PRDM8: variants seen among roughly 807,000 people sequenced by gnomAD.
PRDM8 encodes PR/SET domain 8, also known as PR domain zinc finger protein 8.
PRDM8 carries 13 observed loss-of-function variants against 46.5 expected under a neutral mutation model. That is an observed-to-expected ratio of 0.28 (90% CI 0.18 to 0.44). The LOEUF is 0.44. Ranked by LOEUF, PRDM8 falls within the 20% of genes least tolerant of loss-of-function variation. The pLI, the probability that PRDM8 is intolerant of heterozygous loss-of-function variation, is 1.00. For missense variants in PRDM8, 998 were observed against 955.0 expected, an observed-to-expected ratio of 1.04 and a Z score of -0.59; for synonymous variants, 473 against 438.4, an observed-to-expected ratio of 1.08 and a Z score of -0.98.
chr4:80,203,774 A>C lies in PRDM8; in HGVS notation c.*242A>C. ...CACACACACACAGACACACTCACACACAAGAGCCAGGATGGTGGAGTTTTG... is the reference window on the plus strand; with the variant it reads ...CACACACACACAGACACACTCACACCCAAGAGCCAGGATGGTGGAGTTTTG... On this transcript the variant is annotated 3_prime_UTR_variant, in exon 4 of 4. Transcript: ENST00000415738. 3 of 386,838 alleles carry C rather than the reference A, an allele frequency of 7.8e-6. No homozygotes were observed. The highest frequency in any genetic ancestry group is 9.1e-6 in the Non-Finnish European group (2 of 220,594). The allele number at this position is 386,838 out of a possible 1,614,324, so 24.0% of individuals were successfully genotyped here.
intron 1 of PRDM8, among the ~76,000 whole-genome samples, 164 bp downstream of exon 1, chr4:80,197,927 T>C (rs1372925701): frequency 6.6e-6 from 1 of 151,974 alleles, no homozygotes; most frequent in Non-Finnish European, 1.5e-5. Context: ...GAGGAGCGGG[T>C]GGTGAGCACT....
chr4:80,196,473 G>T, upstream of PRDM8: 4 of 985,462 alleles, frequency 4.1e-6, no homozygotes, highest in South Asian at 1.9e-4. Context: ...ATCAGCTGCT[G>T]CACTAAAGGG....
upstream of PRDM8, among the ~76,000 whole-genome samples, chr4:80,193,773 A>G (rs1737727769): frequency 6.6e-6 from 1 of 152,060 alleles, no homozygotes; most frequent in Non-Finnish European, 1.5e-5. Context: ...GCATCCTCTT[A>G]TCTTCCAGTG....
At chr4:80,196,745 C>CAAA, upstream of PRDM8, 6 of 778,650 alleles carry the variant, frequency 7.7e-6, no homozygotes, top group Non-Finnish European at 7.8e-6. Context: ...CAAAAACAAA[C>CAAA]AAAAAAAAAA....
In PRDM8 at chr4:80,202,917, C is replaced by T. The variant is rs1156533105; in HGVS notation, c.1455C>T (p.Gly485=). 7 of 1,352,746 alleles carry T rather than the reference C, an allele frequency of 5.2e-6. No homozygotes were observed. Among genetic ancestry groups the T allele is most frequent in the Non-Finnish European group, 6.6e-6 (7 of 1,063,290 alleles). 83.8% of individuals were successfully genotyped at this position (1,352,746 alleles called of 1,614,324 possible). The change falls in exon 4 of 4, where the codon GGC becomes GGT. Residue 485 remains glycine, a synonymous_variant. Coordinates refer to ENST00000415738, the MANE Select transcript of PRDM8 (RefSeq NM_001099403.2). ...GGGTGAGAAG[G]AGGGQGAASD... is the part of the protein sequence containing the mutation. ...GAACGGGCGCCGGGGCCGCAGGCGG[C>T]GCGGGCGGGGGCCAGGGCGCCGCGT...
chr4:80,199,705 A>G (rs1560473370), intron 1 of PRDM8, among the ~76,000 whole-genome samples: 2 of 70,056 alleles, frequency 2.9e-5, no homozygotes, highest in Admixed American at 1.4e-4. Flanking sequence ...GTATATATAT[A>G]TATATGTGTG....
chr4:80,200,234 T>C lies in PRDM8; in HGVS notation c.154T>C (p.Tyr52His), dbSNP rs900729530. ...CTGTGTCCTGAGCCATACTTCCCTA[T>C]ATGACAGCATAGCTTTCATAGCTCT... The part of the protein sequence containing the change: ...GPCVLSHTSL[Y>H]DSIAFIALKS... Residue 52 changes from tyrosine (Y) to histidine (H), a missense_variant, in exon 2 of 4, where the codon TAT becomes CAT. By Grantham distance (83) the Tyr-to-His change is moderately conservative. Transcript: ENST00000415738. The C allele has an allele frequency of 1.3e-5, 21 of 1,614,024 alleles. No homozygotes were observed. The highest frequency in any genetic ancestry group is 1.8e-5 in the Non-Finnish European group (21 of 1,180,006).
In PRDM8 at chr4:80,202,986, C is replaced by G. The variant is rs1738664448; in HGVS notation, c.1524C>G (p.Phe508Leu). The G allele has an allele frequency of 1.3e-6, 2 of 1,507,678 alleles. No homozygotes were observed. Among genetic ancestry groups the G allele is most frequent in the Non-Finnish European group, 1.8e-6 (2 of 1,136,774 alleles). 93.4% of individuals were successfully genotyped at this position (1,507,678 alleles called of 1,614,324 possible). The part of the protein sequence containing the change: ...KSAFSQPARS[F>L]SQLSPLVLGQ... ...CCTTCTCGCAGCCAGCACGCTCTTT[C>G]TCGCAGCTGTCCCCGCTGGTGCTGG... The change falls in exon 4 of 4, where the codon TTC becomes TTG. Residue 508 changes from phenylalanine (F) to leucine (L), a missense_variant. By Grantham distance (22) the Phe-to-Leu change is conservative. Transcript: ENST00000415738.
Position 80,202,911 on chromosome 4 carries a change from A to C in PRDM8, c.1449A>C (p.Ala483=). 1 of 1,341,896 alleles carries C rather than the reference A, an allele frequency of 7.5e-7. No homozygotes were observed. The highest frequency in any genetic ancestry group is 9.5e-7 in the Non-Finnish European group (1 of 1,057,750). 83.1% of individuals were successfully genotyped at this position (1,341,896 alleles called of 1,614,324 possible). Residue 483 remains alanine, a synonymous_variant, in exon 4 of 4, where the codon GCA becomes GCC. Transcript: ENST00000415738. ...SGGGGTGAGA[A]GGAGGGQGAA... is the part of the protein sequence containing the mutation. ...GGGGCGGAACGGGCGCCGGGGCCGCAGGCGGCGCGGGCGGGGGCCAGGGCG... is the reference window on the plus strand; with the variant it reads ...GGGGCGGAACGGGCGCCGGGGCCGCCGGCGGCGCGGGCGGGGGCCAGGGCG...
Position 80,203,038 on chromosome 4 carries a change from T to C in PRDM8, c.1576T>C (p.Cys526Arg), listed in dbSNP as rs1167878495. Residue 526 changes from cysteine to arginine, a missense_variant, in exon 4 of 4, where the codon TGC becomes CGC. Transcript: ENST00000415738. Reference protein sequence around the residue: ...LGQKLGALEPCHPADGVGPTR... With the variant: ...LGQKLGALEPRHPADGVGPTR... ...CCAGAAGCTGGGCGCGCTCGAGCCA[T>C]GCCACCCCGCCGACGGCGTGGGCCC... The C allele has an allele frequency of 6.5e-7, 1 of 1,548,830 alleles. No homozygotes were observed.
At position 80,197,516 on chromosome 4, in the gene PRDM8, G is replaced by T; in HGVS notation, c.-250G>T. 1.0e-6 allele frequency: 1 copy of T among 985,848 alleles called. No homozygotes were observed. The highest frequency in any genetic ancestry group is 1.2e-6 in the Non-Finnish European group (1 of 830,002). 61.1% of individuals were successfully genotyped at this position (985,848 alleles called of 1,614,324 possible). The stretch of plus-strand genomic sequence containing the variant: ...TGCGTGCCAGTCAGTCACTGCATCG[G>T]GTCCATCTGTACAACTCTCTCCGTT... On this transcript the variant is annotated 5_prime_UTR_variant, in exon 1 of 4. Transcript: ENST00000415738.
upstream of PRDM8, chr4:80,196,745 CA>C (rs113184820): frequency 0.037 from 28,744 of 773,898 alleles, 1,973 homozygotes; most frequent in African/African-American, 0.26. Context: ...CAAAAACAAA[CA>C]AAAAAAAAAC....
intron 1 of PRDM8, among the ~76,000 whole-genome samples, chr4:80,187,541 A>G (rs942643979): frequency 1.3e-5 from 2 of 152,096 alleles, no homozygotes; most frequent in Non-Finnish European, 2.9e-5. Context: ...TCCAAATTGA[A>G]TTTCCAAGGT....
chr4:80,196,362 T>C (rs527374031), upstream of PRDM8: 2 of 985,474 alleles, frequency 2.0e-6, no homozygotes, highest in Non-Finnish European at 2.4e-6. Context: ...GAGTAGAGAA[T>C]TGAACTGTGA....
upstream of PRDM8, among the ~76,000 whole-genome samples, chr4:80,193,939 G>A (rs1737745378): frequency 6.6e-6 from 1 of 152,178 alleles, no homozygotes; most frequent in Admixed American, 6.5e-5. Context: ...CATTCTCATG[G>A]GATAATAATC....
upstream of PRDM8, chr4:80,195,924 CACACAG>C (rs975369511): frequency 1.1e-5 from 2 of 174,488 alleles, no homozygotes; most frequent in African/African-American, 3.4e-5. Flanking sequence ...CACACACACA[CACACAG>C]AGAGAGAGAG....
chr4:80,191,081 A>T (rs889553485), intron 1 of PRDM8, among the ~76,000 whole-genome samples: 9 of 152,210 alleles, frequency 5.9e-5, no homozygotes, highest in African/African-American at 2.2e-4. Flanking sequence ...CTTCACACAA[A>T]CTATTTTCTC....
upstream of PRDM8, among the ~76,000 whole-genome samples, chr4:80,195,209 G>A (rs1320534043): frequency 2.0e-5 from 3 of 152,110 alleles, no homozygotes; most frequent in African/African-American, 4.8e-5. Context: ...ATGAAATTAT[G>A]TTCTTAAACA....
At chr4:80,198,452 T>A (rs1384667034) in intron 1 of PRDM8, among the ~76,000 whole-genome samples, 1 of 151,956 alleles carries the variant, frequency 6.6e-6, no homozygotes, top group Admixed American at 6.6e-5. Context: ...AGATAAGAGG[T>A]TATGGGGTTT....
Sources: gnomAD v4.1 joint callset for allele counts (sites outside exome capture counted in the v4.1 genomes callset) on GRCh38, gnomAD v4.1.1 for gene constraint, MANE v1.5 for transcripts, NCBI Gene and HGNC (gene_info 2026-07-23, HGNC 2026-07-21) for gene names.